The following POU6F2 variants were observed in gnomAD, a reference collection of about 807,000 sequenced individuals.
POU6F2 encodes POU domain, class 6, transcription factor 2.
A neutral mutation model predicts 71.3 loss-of-function variants in POU6F2; 31 were observed. The observed-to-expected ratio is 0.43, with a 90% CI of 0.33 to 0.59. The LOEUF is 0.59. Among genes scored for constraint, POU6F2 ranks in the 20% least tolerant of loss-of-function variants. The pLI is 0.04. For synonymous variants in POU6F2, 347 were observed against 355.7 expected, an observed-to-expected ratio of 0.98 and a Z score of 0.27; for missense variants, 783 against 856.8, an observed-to-expected ratio of 0.91 and a Z score of 1.07.
chr7:39,188,430 A>T lies in POU6F2; in HGVS notation c.278-15805A>T, dbSNP rs10276286. Reference sequence around the variant, plus strand: ...TGGGCTCAAATAAGTCTTATGCCTCAGCTTCCCAAGTAGCTGGGATTGCAG... The same window carrying T: ...TGGGCTCAAATAAGTCTTATGCCTCTGCTTCCCAAGTAGCTGGGATTGCAG... On this transcript the variant is annotated intron_variant, in intron 2 of 9. Transcript: ENST00000518318. 1.3e-3 allele frequency among the ~76,000 whole-genome samples: 199 copies of T among 152,268 alleles called. 1 individual carries two copies. Among genetic ancestry groups the T allele is most frequent in the African/African-American group, 4.4e-3 (182 of 41,544 alleles).
intron 2 of POU6F2, among the ~76,000 whole-genome samples, chr7:39,119,456 A>G (rs1791998572): frequency 6.6e-6 from 1 of 152,246 alleles, no homozygotes. Context: ...AGATGGTGAT[A>G]TAATTTGCTT....
At chr7:39,026,758 A>T (rs968675871) in intron 1 of POU6F2, among the ~76,000 whole-genome samples, 19 of 152,114 alleles carry the variant, frequency 1.2e-4, no homozygotes, top group African/African-American at 2.2e-4. Context: ...AATAATTTTT[A>T]AAAAAACCTT....
At chr7:39,129,344 T>A (rs11761291) in intron 2 of POU6F2, among the ~76,000 whole-genome samples, 24,332 of 152,116 alleles carry the variant, frequency 0.16, 2,170 homozygotes, top group African/African-American at 0.24. Context: ...CATATAGTAG[T>A]TGCTCTATGA....
chr7:39,118,701 T>C (rs2128727092), intron 2 of POU6F2, among the ~76,000 whole-genome samples: 1 of 151,850 alleles, frequency 6.6e-6, no homozygotes, highest in Non-Finnish European at 1.5e-5. Context: ...AACAGACAAA[T>C]GAGAAAGGGA....
chr7:39,314,931 A>G (rs1443906732), intron 4 of POU6F2, among the ~76,000 whole-genome samples: 8 of 152,206 alleles, frequency 5.3e-5, no homozygotes, highest in Non-Finnish European at 1.2e-4. Flanking sequence ...GACAGTAAAG[A>G]ACTTCTGAAA....
rs549067395 is a variant in POU6F2, at chr7:39,086,009, G to A, written c.255G>A (p.Glu85=). 3.1e-6 allele frequency: 5 copies of A among 1,613,652 alleles called. No individual in the cohort carries two copies. In the South Asian group the frequency reaches 4.4e-5, roughly 14 times the overall value. The change falls in exon 2 of 10, where the codon GAG becomes GAA. Residue 85 remains glutamate, a synonymous_variant. Coordinates refer to ENST00000518318, the MANE Select transcript of POU6F2 (RefSeq NM_001370959.1). ...CGCCTGTGGAATCAAATGACAGCGA[G>A]GACACTCCCAGCAAGCTCTTCGGTA... The part of the protein sequence containing the change: ...LLAPVESNDS[E]DTPSKLFGAR...
At chr7:39,433,050 C>T in intron 6 of POU6F2, 27 bp from the exon 7 acceptor site, 1 of 1,610,320 alleles carries the variant, frequency 6.2e-7, no homozygotes, top group Non-Finnish European at 8.5e-7. Context: ...ACCGAGCCAG[C>T]TCCTCACCTT....
intron 5 of POU6F2, among the ~76,000 whole-genome samples, chr7:39,360,337 C>T (rs952372761): frequency 6.6e-6 from 1 of 152,158 alleles, no homozygotes; most frequent in African/African-American, 2.4e-5. Context: ...AATGAATATA[C>T]TGAATGTACT....
chr7:39,138,327 C>G (rs922334872), intron 2 of POU6F2, among the ~76,000 whole-genome samples: 2 of 152,166 alleles, frequency 1.3e-5, no homozygotes, highest in Non-Finnish European at 2.9e-5. Context: ...GGGTCCCCAA[C>G]CCCTGGATCA....
chr7:39,379,721 G>C (rs1786788514), intron 5 of POU6F2, among the ~76,000 whole-genome samples: 1 of 151,926 alleles, frequency 6.6e-6, no homozygotes, highest in Non-Finnish European at 1.5e-5. Context: ...ATCCAGGGCT[G>C]GTTTCTCCTC....
At chr7:39,419,134 CATAT>C (rs1302999674) in intron 6 of POU6F2, among the ~76,000 whole-genome samples, 41 of 111,684 alleles carry the variant, frequency 3.7e-4, no homozygotes, top group Non-Finnish European at 6.2e-4. Context: ...TATATATACA[CATAT>C]ATATACGTAT....
intron 4 of POU6F2, among the ~76,000 whole-genome samples, chr7:39,259,443 G>A (rs1018469826): frequency 9.9e-5 from 15 of 152,148 alleles, no homozygotes; most frequent in African/African-American, 1.4e-4. Flanking sequence ...GTTGGGCCCC[G>A]AGTAGGGAGA....
At chr7:39,459,404 A>G (rs1158653221) in intron 8 of POU6F2, among the ~76,000 whole-genome samples, 1 of 152,168 alleles carries the variant, frequency 6.6e-6, no homozygotes, top group Non-Finnish European at 1.5e-5. Context: ...TCTTTATTTA[A>G]AAGTCCTTGA....
At chr7:39,036,132 G>A (rs975960558) in intron 1 of POU6F2, among the ~76,000 whole-genome samples, 2 of 152,110 alleles carry the variant, frequency 1.3e-5, no homozygotes, top group Admixed American at 1.3e-4. Context: ...CTGTCTCTCT[G>A]TCTGTGATGA....
intron 2 of POU6F2, among the ~76,000 whole-genome samples, chr7:39,108,944 T>TAAGC (rs1791748553): frequency 6.6e-6 from 1 of 152,226 alleles, no homozygotes; most frequent in South Asian, 2.1e-4. Context: ...TATACAATTG[T>TAAGC]AAGCAAACAA....
intron 2 of POU6F2, among the ~76,000 whole-genome samples, chr7:39,099,224 T>C (rs1375628877): frequency 6.6e-6 from 1 of 152,230 alleles, no homozygotes; most frequent in Admixed American, 6.5e-5. Flanking sequence ...TTTCAAATAA[T>C]AGCGATTTTA....
chr7:39,221,100 G>A (rs1794345760), intron 4 of POU6F2, among the ~76,000 whole-genome samples: 2 of 151,858 alleles, frequency 1.3e-5, no homozygotes, highest in African/African-American at 2.4e-5. Flanking sequence ...AAATTGCATG[G>A]GTGGCTCCCA....
chr7:39,233,454 T>C (rs1240577906), intron 4 of POU6F2, among the ~76,000 whole-genome samples: 1 of 152,220 alleles, frequency 6.6e-6, no homozygotes, highest in East Asian at 1.9e-4. Flanking sequence ...AATAAGATAC[T>C]GCAAAGCTTC....
rs768398366 is a variant in POU6F2 at position 39,085,984 on chromosome 7, C to T, written c.230C>T (p.Ala77Val). ...SDSELNEPLL[A>V]PVESNDSEDT... is the part of the protein sequence containing the mutation. ...AGCGAGCTGAATGAGCCCCTGCTTG[C>T]GCCTGTGGAATCAAATGACAGCGAG... Residue 77 changes from alanine to valine, a missense_variant, in exon 2 of 10, where the codon GCG (alanine) becomes GTG (valine). Around this residue, in one of 2 missense-constraint regions of POU6F2, gnomAD observed 572 missense variants for 572.9 expected, o/e 1.00. Transcript: ENST00000518318. 4.3e-6 allele frequency: 7 copies of T among 1,613,730 alleles called. No individual in the cohort carries two copies. Among genetic ancestry groups the T allele is most frequent in the Non-Finnish European group, 5.1e-6 (6 of 1,179,788 alleles).
Sources: allele counts gnomAD v4.1 joint callset (sites outside exome capture counted in the v4.1 genomes callset), GRCh38; gene constraint gnomAD v4.1.1; regional missense constraint gnomAD v4.1.1; transcripts MANE v1.5; gene names NCBI Gene and HGNC (gene_info 2026-07-23, HGNC 2026-07-21).